The following NEO1 variants were observed in gnomAD, a reference collection of about 807,000 sequenced individuals.
The protein encoded by NEO1 is neogenin.
In NEO1, 63 loss-of-function variants were observed where a neutral mutation model predicts 159.7. The observed-to-expected ratio is 0.39, with a 90% CI of 0.32 to 0.49. NEO1 has a LOEUF of 0.49. NEO1 is among the 20% of genes least tolerant of loss of function. NEO1 has a pLI of 0.85. For synonymous variants in NEO1, 633 were observed against 662.0 expected (o/e 0.96, Z 0.67); for missense variants, 1,615 against 1,831.0 (o/e 0.88, Z 2.15).
intron 1 of NEO1, among the ~76,000 whole-genome samples, chr15:73,095,404 A>G (rs74022178): frequency 1.2e-3 from 183 of 152,316 alleles, no homozygotes; most frequent in African/African-American, 4.3e-3. Context: ...GGCCCTCTAC[A>G]GAAAATATTT....
chr15:73,156,507 G>A (rs780190079), intron 5 of NEO1, among the ~76,000 whole-genome samples: 4 of 152,182 alleles, frequency 2.6e-5, no homozygotes, highest in Non-Finnish European at 4.4e-5. Context: ...TTGACCTACT[G>A]GGAAGCCAGG....
chr15:73,071,670 T>A (rs534423475), intron 1 of NEO1, among the ~76,000 whole-genome samples: 1 of 152,060 alleles, frequency 6.6e-6, no homozygotes, highest in African/African-American at 2.4e-5. Context: ...GGGACTACCA[T>A]GCTTGGCTAA....
At chr15:73,069,869 A>G (rs928934802) in intron 1 of NEO1, among the ~76,000 whole-genome samples, 65 of 152,196 alleles carry the variant, frequency 4.3e-4, no homozygotes, top group African/African-American at 1.5e-3. Flanking sequence ...TACTTAAAGG[A>G]AGAAGAGTTA....
chr15:73,262,509 C>T (rs949949550), intron 15 of NEO1, among the ~76,000 whole-genome samples: 13 of 152,062 alleles, frequency 8.5e-5, no homozygotes, highest in African/African-American at 3.1e-4. Context: ...AAAAGATGCT[C>T]GGCAACATTA....
chr15:73,302,465 C>G (rs2042657485), intron 28 of NEO1, 148 bp from the exon 29 acceptor site: 1 of 639,896 alleles, frequency 1.6e-6, no homozygotes, highest in Non-Finnish European at 2.7e-6. Flanking sequence ...CTGCTACTTT[C>G]CACTCTTCTG....
At chr15:73,070,447 G>A (rs985662012) in intron 1 of NEO1, among the ~76,000 whole-genome samples, 1 of 152,050 alleles carries the variant, frequency 6.6e-6, no homozygotes, top group Non-Finnish European at 1.5e-5. Context: ...AACTCAACTC[G>A]GTAGAAATAT....
chr15:73,289,569 G>C (rs1433167809), intron 25 of NEO1, among the ~76,000 whole-genome samples: 5 of 152,268 alleles, frequency 3.3e-5, no homozygotes, highest in South Asian at 2.1e-4. Flanking sequence ...TAGAGCTAAG[G>C]ATGGTCTGAT....
chr15:73,061,857 TG>T (rs2067995633), intron 1 of NEO1, among the ~76,000 whole-genome samples: 1 of 152,244 alleles, frequency 6.6e-6, no homozygotes, highest in African/African-American at 2.4e-5. Context: ...TCCATGTGAG[TG>T]TGTATAAATT....
intron 1 of NEO1, among the ~76,000 whole-genome samples, chr15:73,091,554 ATTGTTTGT>A (rs202241571): frequency 1.3e-5 from 2 of 151,436 alleles, no homozygotes; most frequent in African/African-American, 4.9e-5. Flanking sequence ...TGTTGTTGTT[ATTGTTTGT>A]TTGTTTGTTT....
chr15:73,153,260 C>T (rs1237305171), intron 5 of NEO1, among the ~76,000 whole-genome samples: 1 of 152,202 alleles, frequency 6.6e-6, no homozygotes, highest in Non-Finnish European at 1.5e-5. Flanking sequence ...TGGAAACACC[C>T]TCACAGAGAG....
chr15:73,132,360 T>C (rs2031242029), intron 4 of NEO1, among the ~76,000 whole-genome samples: 2 of 152,208 alleles, frequency 1.3e-5, no homozygotes, highest in Admixed American at 1.3e-4. Context: ...CATCCTTTTT[T>C]TGTTTCTTCA....
At chr15:73,077,322 G>A (rs1345443792) in intron 1 of NEO1, among the ~76,000 whole-genome samples, 1 of 152,166 alleles carries the variant, frequency 6.6e-6, no homozygotes, top group African/African-American at 2.4e-5. Flanking sequence ...GGGATAACAG[G>A]CATGAGCCAC....
chr15:73,177,487 C>G (rs528814088), intron 6 of NEO1, among the ~76,000 whole-genome samples: 1 of 152,156 alleles, frequency 6.6e-6, no homozygotes, highest in Admixed American at 6.5e-5. Flanking sequence ...CTCTTAAAAT[C>G]AATATTTGGA....
intron 20 of NEO1, 79 bp from the exon 21 acceptor site, chr15:73,274,613 T>C: frequency 6.9e-7 from 1 of 1,455,078 alleles, no homozygotes; most frequent in Admixed American, 2.0e-5. Flanking sequence ...TTTTTTCCTT[T>C]AAAAAGTTCT....
At chr15:73,175,310 A>T (rs1054072939) in intron 5 of NEO1, among the ~76,000 whole-genome samples, 4 of 152,224 alleles carry the variant, frequency 2.6e-5, no homozygotes, top group African/African-American at 7.2e-5. Flanking sequence ...TGGAAATTTT[A>T]AAAAATTTAA....
In NEO1 at chr15:73,254,758, G is replaced by A. The variant is rs757127056; in HGVS notation, c.2021G>A (p.Arg674Gln). 1.4e-5 allele frequency: 22 copies of A among 1,613,934 alleles called. No homozygotes were observed. In the South Asian group the frequency reaches 1.4e-4, roughly 10 times the overall value. ...ATTACTGGCTACAAGATTCGCTACC[G>A]AAAGGCCTCCCGAAAGAGTGATGTC... Reference protein sequence around the residue: ...GQITGYKIRYRKASRKSDVTE... With the variant: ...GQITGYKIRYQKASRKSDVTE... Residue 674 changes from arginine to glutamine, a missense_variant, in exon 13 of 29, where the codon CGA becomes CAA. By Grantham distance (43) the Arg-to-Gln change is conservative (BLOSUM62 1). Around this residue, in one of 3 missense-constraint regions of NEO1, gnomAD observed 1,018 missense variants for 1,115.4 expected, o/e 0.91. Coordinates refer to ENST00000261908, the MANE Select transcript of NEO1 (RefSeq NM_002499.4).
chr15:73,073,903 G>T (rs2068650458), intron 1 of NEO1, among the ~76,000 whole-genome samples: 1 of 152,122 alleles, frequency 6.6e-6, no homozygotes, highest in Non-Finnish European at 1.5e-5. Flanking sequence ...GAGCCCATTG[G>T]AGATTGTAGA....
At chr15:73,078,281 G>T (rs1338874088) in intron 1 of NEO1, among the ~76,000 whole-genome samples, 1 of 152,152 alleles carries the variant, frequency 6.6e-6, no homozygotes, top group Non-Finnish European at 1.5e-5. Context: ...GAGAATCCCT[G>T]CAGGAGAAGC....
Position 73,079,760 on chromosome 15 carries a change from C to T in NEO1, c.130+26955C>T, listed in dbSNP as rs114935979. ...AGTGAATAAATTTCCTGGGCGGAAACGATAATAAAATATTCAGGAAGTTAT... is the reference window on the plus strand; with the variant it reads ...AGTGAATAAATTTCCTGGGCGGAAATGATAATAAAATATTCAGGAAGTTAT... On this transcript the variant is annotated intron_variant, in intron 1 of 28. Transcript: ENST00000261908. Among the ~76,000 whole-genome samples the T allele has an allele frequency of 7.7e-4, 117 of 152,136 alleles. 1 individual carries two copies. The highest frequency in any genetic ancestry group is 2.7e-3 in the African/African-American group (113 of 41,488).
Sources: allele counts gnomAD v4.1 joint callset (sites outside exome capture counted in the v4.1 genomes callset), GRCh38; gene constraint gnomAD v4.1.1; regional missense constraint gnomAD v4.1.1; transcripts MANE v1.5; gene names NCBI Gene and HGNC (gene_info 2026-07-23, HGNC 2026-07-21).